Variants in SRP72 observed in about 807,000 individuals in gnomAD.
The protein encoded by SRP72 is signal recognition particle subunit SRP72.
Under a neutral mutation model 96.3 loss-of-function variants are expected in SRP72, and 49 were observed. The ratio of observed to expected loss-of-function variants is 0.51; its 90% CI spans 0.40 to 0.65. The LOEUF is 0.65. Among genes scored for constraint, SRP72 ranks in the 30% least tolerant of loss-of-function variants. The probability of loss-of-function intolerance (pLI) is 0.00; values close to 1 mark genes in which losing one functional copy is unlikely to be tolerated. For synonymous variants in SRP72, 267 were observed against 275.2 expected, an observed-to-expected ratio of 0.97 and a Z score of 0.30; for missense variants, 736 against 793.3, an observed-to-expected ratio of 0.93 and a Z score of 0.87.
At chr4:56,491,325 GAA>G in intron 15 of SRP72, 104 bp from the exon 16 acceptor site, 1 of 1,353,688 alleles carries the variant, frequency 7.4e-7, no homozygotes. Context: ...AGGTCATCAA[GAA>G]AAGACAGTCT....
intron 5 of SRP72, chr4:56,475,802 C>T (rs1720195275): frequency 6.6e-6 from 1 of 152,028 alleles, no homozygotes; most frequent in South Asian, 2.1e-4. Context: ...CCCTTTGATC[C>T]AATAATTTCA....
At chr4:56,474,507 G>T in intron 5 of SRP72, 116 bp downstream of exon 5, 1 of 875,692 alleles carries the variant, frequency 1.1e-6, no homozygotes, top group South Asian at 1.8e-5. Flanking sequence ...TTGATGCAGT[G>T]ACAATTTCTC....
At position 56,491,835 on chromosome 4, in the gene SRP72, A is replaced by G. The variant is rs10428449; in HGVS notation, c.1640+267A>G. On this transcript the variant is annotated intron_variant, in intron 16 of 18. Transcript: ENST00000642900. ...GATGGTTTACAAATATTTTCTTTAAATTGGTTTATTTATTACTATTTTTTT... is the reference window on the plus strand; with the variant it reads ...GATGGTTTACAAATATTTTCTTTAAGTTGGTTTATTTATTACTATTTTTTT... Among the ~76,000 whole-genome samples the G allele has an allele frequency of 0.011, 1,620 of 151,802 alleles. 35 individuals carry two copies. Among genetic ancestry groups the G allele is most frequent in the African/African-American group, 0.037 (1,515 of 41,368 alleles).
chr4:56,476,561 C>G (rs1486802994), intron 5 of SRP72, 110 bp from the exon 6 acceptor site: 1 of 1,141,708 alleles, frequency 8.8e-7, no homozygotes, highest in Non-Finnish European at 1.3e-6. Flanking sequence ...CTTGTTACTA[C>G]GATTATCTTG....
intron 3 of SRP72, among the ~76,000 whole-genome samples, chr4:56,472,520 A>C (rs1720018565): frequency 6.6e-6 from 1 of 151,404 alleles, no homozygotes; most frequent in Non-Finnish European, 1.5e-5. Context: ...TAATTTTTAT[A>C]TTTTTTAGTA....
rs1483910449 is a variant in SRP72, at chr4:56,474,118, A to G, written c.419A>G (p.Gln140Arg). Residue 140 changes from glutamine to arginine, a missense_variant, in exon 4 of 19, where the codon CAA (glutamine) becomes CGA (arginine). Physicochemically the swap from Gln to Arg is conservative, Grantham distance 43. Around this residue, in one of 3 missense-constraint regions of SRP72, gnomAD observed 329 missense variants for 319.0 expected, o/e 1.03. Coordinates refer to ENST00000642900, the MANE Select transcript of SRP72 (RefSeq NM_006947.4). ...TATAGAGATCTCGTCCGAAACTCCC[A>G]AGATGATTATGATGAGGAGAGGAAA... ...AVYRDLVRNS[Q>R]DDYDEERKTN... The G allele has an allele frequency of 6.2e-7, 1 of 1,614,204 alleles. No individual in the cohort carries two copies. Among genetic ancestry groups the G allele is most frequent in the Non-Finnish European group, 8.5e-7 (1 of 1,180,030 alleles).
chr4:56,496,260 C>T (rs1385116685), intron 17 of SRP72, among the ~76,000 whole-genome samples: 1 of 152,186 alleles, frequency 6.6e-6, no homozygotes, highest in Non-Finnish European at 1.5e-5. Context: ...ATACAGGTTT[C>T]CCAAGGCTTA....
At chr4:56,474,414 C>T in intron 5 of SRP72, 23 bp downstream of exon 5, 1 of 1,593,372 alleles carries the variant, frequency 6.3e-7, no homozygotes, top group Admixed American at 1.7e-5. Flanking sequence ...TTAAACTTAT[C>T]TGTAAATATA....
Position 56,484,725 on chromosome 4 carries a change from A to T in SRP72, c.958-11A>T. ...AGTTTATTTTTCTTGTGGGGGTTGG[A>T]TATCTTCTAGGCTGAACAATGCCGC... is the stretch of plus-strand genomic sequence containing the variant. On this transcript the variant is annotated splice_polypyrimidine_tract_variant and intron_variant, in intron 9 of 18. Coordinates refer to ENST00000642900, the MANE Select transcript of SRP72 (RefSeq NM_006947.4). 1 of 1,613,080 alleles carries T rather than the reference A, an allele frequency of 6.2e-7. No homozygotes were observed. The highest frequency in any genetic ancestry group is 8.5e-7 in the Non-Finnish European group (1 of 1,179,830).
chr4:56,496,415 T>A (rs1320850872), intron 17 of SRP72, among the ~76,000 whole-genome samples: 3 of 152,234 alleles, frequency 2.0e-5, no homozygotes, highest in African/African-American at 7.2e-5. Context: ...TTGTATCCAT[T>A]TCACTATCTT....
chr4:56,499,608 G>GA (rs1721189925), intron 17 of SRP72, among the ~76,000 whole-genome samples: 2 of 152,006 alleles, frequency 1.3e-5, no homozygotes, highest in Non-Finnish European at 2.9e-5. Flanking sequence ...CAAGAAACAT[G>GA]AAAAAAAGCT....
At chr4:56,493,441 A>G (rs1024326990) in intron 16 of SRP72, among the ~76,000 whole-genome samples, 1 of 152,146 alleles carries the variant, frequency 6.6e-6, no homozygotes, top group African/African-American at 2.4e-5. Context: ...TCTTTATTTT[A>G]TCTTATTAGA....
chr4:56,502,473 A>AC lies in SRP72; in HGVS notation c.*612_*613insC, dbSNP rs1721294264. 9.5e-6 allele frequency: 1 copy of AC among 104,916 alleles called. No individual in the cohort carries two copies. Among genetic ancestry groups the AC allele is most frequent in the Non-Finnish European group, 1.8e-5 (1 of 55,688 alleles). 6.5% of individuals were successfully genotyped at this position (104,916 alleles called of 1,614,324 possible). ...TGGGATACTTTTCATGTTTATATATATATATATATGTATATATATATACAT... is the reference window on the plus strand; with the variant it reads ...TGGGATACTTTTCATGTTTATATATACTATATATATGTATATATATATACAT... On this transcript the variant is annotated 3_prime_UTR_variant, in exon 19 of 19. Transcript: ENST00000642900.
chr4:56,470,629 C>T (rs1444745042), intron 2 of SRP72, among the ~76,000 whole-genome samples: 2 of 151,420 alleles, frequency 1.3e-5, no homozygotes, highest in Non-Finnish European at 2.9e-5. Context: ...ATCTCTTTTT[C>T]TTTTTATATT....
intron 17 of SRP72, 128 bp from the exon 18 acceptor site, chr4:56,500,408 C>A: frequency 3.8e-6 from 4 of 1,058,162 alleles, no homozygotes; most frequent in Non-Finnish European, 5.4e-6. Flanking sequence ...ATTATACAAA[C>A]TAAACTTTCT....
At chr4:56,468,877 A>G (rs566681237) in intron 1 of SRP72, among the ~76,000 whole-genome samples, 2 of 152,294 alleles carry the variant, frequency 1.3e-5, no homozygotes, top group East Asian at 3.9e-4. Context: ...TGTTTTCTTA[A>G]TTGGTAGAAA....
chr4:56,468,325 G>A (rs978713255), intron 1 of SRP72, among the ~76,000 whole-genome samples: 1 of 152,204 alleles, frequency 6.6e-6, no homozygotes, highest in Non-Finnish European at 1.5e-5. Context: ...TATTAAGTTA[G>A]GAAATATGTG....
intron 6 of SRP72, among the ~76,000 whole-genome samples, chr4:56,477,679 A>ACTC (rs1311176454): frequency 6.6e-6 from 1 of 151,792 alleles, no homozygotes; most frequent in African/African-American, 2.4e-5. Context: ...AACATATCTG[A>ACTC]CTCCTGGTCA....
chr4:56,475,000 GAAA>G (rs1052661688), intron 5 of SRP72, among the ~76,000 whole-genome samples: 2 of 151,942 alleles, frequency 1.3e-5, no homozygotes, highest in Non-Finnish European at 1.5e-5. Flanking sequence ...TTTTAATTAA[GAAA>G]AAAATTAATT....
Sources: gnomAD v4.1 joint callset for allele counts (sites outside exome capture counted in the v4.1 genomes callset) on GRCh38, gnomAD v4.1.1 for gene constraint, gnomAD v4.1.1 regional missense constraint, MANE v1.5 for transcripts, NCBI Gene and HGNC (gene_info 2026-07-23, HGNC 2026-07-21) for gene names.